The following NRG2 variants were observed in gnomAD, a reference collection of about 807,000 sequenced individuals.
NRG2 encodes neuregulin 2.
Under a neutral mutation model 73.9 loss-of-function variants are expected in NRG2, and 27 were observed. The observed-to-expected ratio is 0.37, with a 90% CI of 0.27 to 0.50. The LOEUF is 0.50. Among genes scored for constraint, NRG2 ranks in the 20% least tolerant of loss-of-function variants. NRG2 has a pLI of 0.96. For missense variants in NRG2, 1,126 were observed against 1,210.1 expected (o/e 0.93, Z 1.03); for synonymous variants, 532 against 541.0 (o/e 0.98, Z 0.23).
At chr5:139,885,831 G>GCC (rs1339445047) in intron 2 of NRG2, among the ~76,000 whole-genome samples, 1 of 151,942 alleles carries the variant, frequency 6.6e-6, no homozygotes, top group East Asian at 1.9e-4. Context: ...GGAGGGAAAG[G>GCC]GGGGCTCTCC....
intron 1 of NRG2, among the ~76,000 whole-genome samples, chr5:139,925,431 G>A (rs1278355929): frequency 6.6e-6 from 1 of 152,226 alleles, no homozygotes; most frequent in Non-Finnish European, 1.5e-5. Context: ...AACTGAGATG[G>A]TGATCCCTAA....
chr5:139,965,147 C>T (rs1396465917), intron 1 of NRG2, among the ~76,000 whole-genome samples: 1 of 152,230 alleles, frequency 6.6e-6, no homozygotes, highest in Non-Finnish European at 1.5e-5. Context: ...GGCTCCACGA[C>T]AGCAACCTCC....
At chr5:139,973,156 C>CAAAAAAAAAAAAAAAAAAAAAA (rs58053481) in intron 1 of NRG2, among the ~76,000 whole-genome samples, 1 of 89,442 alleles carries the variant, frequency 1.1e-5, no homozygotes, top group Non-Finnish European at 2.3e-5. Context: ...TAAGAATATG[C>CAAAAAAAAAAAAAAAAAAAAAA]AAAAAAAAAA....
intron 6 of NRG2, 66 bp downstream of exon 6, chr5:139,855,610 C>T: frequency 1.5e-6 from 2 of 1,349,824 alleles, no homozygotes; most frequent in South Asian, 1.2e-5. Context: ...AAGTCTTCTT[C>T]ACACACATTC....
intron 1 of NRG2, among the ~76,000 whole-genome samples, chr5:140,004,489 G>T (rs754093026): frequency 6.6e-6 from 1 of 152,156 alleles, no homozygotes; most frequent in South Asian, 2.1e-4. Context: ...GATCAACAAG[G>T]TTATTGTCAC....
intron 1 of NRG2, among the ~76,000 whole-genome samples, chr5:140,022,877 T>C (rs1760352675): frequency 6.6e-6 from 1 of 152,220 alleles, no homozygotes; most frequent in Non-Finnish European, 1.5e-5. Context: ...TCCATTTTTG[T>C]TAATGGTGCT....
At chr5:139,990,079 T>C (rs1365881209) in intron 1 of NRG2, among the ~76,000 whole-genome samples, 5 of 151,862 alleles carry the variant, frequency 3.3e-5, no homozygotes, top group Admixed American at 6.6e-5. Context: ...TGAGCCACTG[T>C]GCCTGGCCTT....
intron 1 of NRG2, among the ~76,000 whole-genome samples, chr5:140,005,343 G>T (rs746220837): frequency 1.3e-5 from 2 of 152,198 alleles, no homozygotes; most frequent in Non-Finnish European, 2.9e-5. Context: ...TCACGGACTA[G>T]AAGCTGGTGC....
chr5:139,960,790 A>G (rs1226169206), intron 1 of NRG2, among the ~76,000 whole-genome samples: 1 of 152,206 alleles, frequency 6.6e-6, no homozygotes, highest in Non-Finnish European at 1.5e-5. Flanking sequence ...CCTACTTCCT[A>G]TGTTGGACAG....
intron 3 of NRG2, among the ~76,000 whole-genome samples, chr5:139,875,025 T>A (rs1203382632): frequency 6.6e-6 from 1 of 152,208 alleles, no homozygotes; most frequent in African/African-American, 2.4e-5. Flanking sequence ...CTTTCTTTTT[T>A]CCCCAAGACA....
intron 1 of NRG2, among the ~76,000 whole-genome samples, chr5:140,033,935 C>T (rs958764254): frequency 6.6e-6 from 1 of 151,744 alleles, no homozygotes; most frequent in Admixed American, 6.6e-5. Context: ...CAATATCACC[C>T]AGCTGGAAAA....
At chr5:139,983,408 G>A (rs1347889926) in intron 1 of NRG2, among the ~76,000 whole-genome samples, 2 of 152,220 alleles carry the variant, frequency 1.3e-5, no homozygotes, top group East Asian at 3.8e-4. Context: ...CAGCCTAAAG[G>A]GAAGGCGGGC....
intron 1 of NRG2, among the ~76,000 whole-genome samples, chr5:139,897,415 C>T (rs1023591741): frequency 1.3e-5 from 2 of 152,188 alleles, no homozygotes; most frequent in East Asian, 3.8e-4. Flanking sequence ...TCTCAGATGC[C>T]ACCACCTTCA....
rs1283891480 is a variant in NRG2 at position 139,851,126 on chromosome 5, A to G, written c.1772+478T>C. On this transcript the variant is annotated intron_variant, in intron 9 of 9. Transcript: ENST00000361474. The surrounding 1 kb of genome is among the most constrained non-coding windows in gnomAD (Gnocchi z 4.2). ...CTCAGCCTCCCAAGTAGCTGTGATT[A>G]CAGGCATGTGCCACCATGCCTGGCT... 1.3e-5 allele frequency among the ~76,000 whole-genome samples: 2 copies of G among 151,814 alleles called. No homozygotes were observed. Among genetic ancestry groups the G allele is most frequent in the Non-Finnish European group, 2.9e-5 (2 of 67,974 alleles).
intron 1 of NRG2, among the ~76,000 whole-genome samples, chr5:140,001,699 C>CA (rs71574478): frequency 0.015 from 2,046 of 133,084 alleles, 19 homozygotes; most frequent in Middle Eastern, 0.029. Flanking sequence ...CTATCTCCAC[C>CA]AAAAAAAAAA....
chr5:139,867,762 C>CTGTGTGTG (rs367771225), intron 4 of NRG2, among the ~76,000 whole-genome samples: 1,467 of 128,816 alleles, frequency 0.011, 15 homozygotes, highest in East Asian at 0.035. Context: ...GAAGGGAAAC[C>CTGTGTGTG]TGTGTGTGTG....
chr5:139,940,903 A>G (rs1383027806), intron 1 of NRG2, among the ~76,000 whole-genome samples: 1 of 152,196 alleles, frequency 6.6e-6, no homozygotes, highest in Non-Finnish European at 1.5e-5. Flanking sequence ...CAGGAAGGGT[A>G]TCTGTCTCAC....
intron 1 of NRG2, among the ~76,000 whole-genome samples, chr5:140,018,263 T>A (rs1336946692): frequency 6.6e-6 from 1 of 152,100 alleles, no homozygotes; most frequent in Non-Finnish European, 1.5e-5. Flanking sequence ...TGTGATAGGA[T>A]CTCTGGGAGA....
rs2126988306 is a variant in NRG2 at position 139,848,528 on chromosome 5, G to A, written c.1942C>T (p.Leu648=). 6.9e-7 allele frequency: 1 copy of A among 1,443,220 alleles called. No homozygotes were observed. The highest frequency in any genetic ancestry group is 3.0e-5 in the East Asian group (1 of 33,636). 89.4% of individuals were successfully genotyped at this position (1,443,220 alleles called of 1,614,324 possible). A position where few individuals can be genotyped will look rare whatever the true frequency, so the allele number is the denominator to read the frequency against. The change falls in exon 10 of 10, where the codon CTG becomes TTG. Residue 648 remains leucine, a synonymous_variant. Transcript: ENST00000361474. ...SYRLAEQQPL[L]RHPAPPGPGP... ...GGGCCGGGGGGCGCCGGGTGCCGCA[G>A]TAACGGCTGCTGCTCGGCCAGGCGG...
Sources: gnomAD v4.1 joint callset for allele counts (sites outside exome capture counted in the v4.1 genomes callset) on GRCh38, gnomAD v4.1.1 for gene constraint, Gnocchi (gnomAD v3.1) non-coding constraint, MANE v1.5 for transcripts, NCBI Gene and HGNC (gene_info 2026-07-23, HGNC 2026-07-21) for gene names.